The following PCDHGB1 variants were observed in gnomAD, a reference collection of about 807,000 sequenced individuals.
The protein encoded by PCDHGB1 is protocadherin gamma-B1.
PCDHGB1 carries 34 observed loss-of-function variants against 56.6 expected under a neutral mutation model. The ratio of observed to expected loss-of-function variants is 0.60; its 90% CI spans 0.46 to 0.80. The LOEUF (loss-of-function observed/expected upper bound fraction) is 0.80, where lower values mean the gene tolerates loss of function less well. Ranked by LOEUF, PCDHGB1 falls within the 30% of genes least tolerant of loss-of-function variation. The probability of loss-of-function intolerance (pLI) is 0.00; values close to 1 mark genes in which losing one functional copy is unlikely to be tolerated. For missense variants in PCDHGB1, 1,278 were observed against 1,204.6 expected (o/e 1.06, Z -0.90); for synonymous variants, 561 against 505.9 (o/e 1.11, Z -1.46).
rs1271293217 is a variant in PCDHGB1, at chr5:141,374,804, A to G, written c.2409+22135A>G. On this transcript the variant is annotated intron_variant, in intron 1 of 3. Transcript: ENST00000523390. ...TCTAGATGTGAATGACAACACTCCA[A>G]TGTTTACTCAGCCTGTCTACCGTGT... The G allele has an allele frequency of 6.8e-6, 11 of 1,613,854 alleles. No individual in the cohort carries two copies. In the East Asian group the frequency reaches 1.6e-4, roughly 23 times the overall value.
intron 1 of PCDHGB1, chr5:141,356,065 T>C (rs745777482): frequency 1.2e-6 from 2 of 1,613,808 alleles, no homozygotes; most frequent in South Asian, 2.2e-5. Flanking sequence ...AGACAAAATA[T>C]CACAGCTATT....
At chr5:141,390,207 C>T in intron 1 of PCDHGB1, 1 of 1,614,028 alleles carries the variant, frequency 6.2e-7, no homozygotes, top group Non-Finnish European at 8.5e-7. Flanking sequence ...GAGTTCAGGA[C>T]AAGACATACT....
intron 1 of PCDHGB1, among the ~76,000 whole-genome samples, chr5:141,463,209 A>G (rs1189251811): frequency 6.6e-6 from 1 of 152,140 alleles, no homozygotes; most frequent in African/African-American, 2.4e-5. Flanking sequence ...TTGGGGATCC[A>G]TATTAATATT....
intron 1 of PCDHGB1, chr5:141,376,579 T>C: frequency 6.3e-7 from 1 of 1,590,894 alleles, no homozygotes; most frequent in Non-Finnish European, 8.6e-7. Context: ...GACAGGCTCA[T>C]CAGCTAGATC....
chr5:141,460,848 C>T lies in PCDHGB1; in HGVS notation c.2410-33959C>T, dbSNP rs528601988. Among the ~76,000 whole-genome samples, 257 of 150,340 alleles carry T rather than the reference C, an allele frequency of 1.7e-3. 1 individual carries two copies. The highest frequency in any genetic ancestry group is 4.2e-3 in the Admixed American group (62 of 14,868). ...ACACTTAAAGTAATGGCCTCCAGTT[C>T]GATCCAAGTTGCTGCAAAGGACATT... is the stretch of plus-strand genomic sequence containing the variant. On this transcript the variant is annotated intron_variant, in intron 1 of 3. Transcript: ENST00000523390.
At chr5:141,453,205 G>C (rs570291941) in intron 1 of PCDHGB1, among the ~76,000 whole-genome samples, 2 of 151,872 alleles carry the variant, frequency 1.3e-5, no homozygotes, top group Non-Finnish European at 2.9e-5. Context: ...CCTCAACCTC[G>C]TGCACTTAAG....
intron 1 of PCDHGB1, chr5:141,371,305 T>G: frequency 6.2e-7 from 1 of 1,613,940 alleles, no homozygotes; most frequent in Non-Finnish European, 8.5e-7. Context: ...CTCACCACTA[T>G]TGGAGAACTG....
At chr5:141,408,428 A>C (rs1397543407) in intron 1 of PCDHGB1, 1 of 1,614,076 alleles carries the variant, frequency 6.2e-7, no homozygotes, top group South Asian at 1.1e-5. Flanking sequence ...GCTGCACTTC[A>C]GCGTAGACGC....
In PCDHGB1 at chr5:141,364,057, TTATAAC is replaced by T. The variant is rs1347716169; in HGVS notation, c.2409+11391_2409+11396del. 2.6e-5 allele frequency among the ~76,000 whole-genome samples: 4 copies of T among 152,286 alleles called. No individual in the cohort carries two copies. In the East Asian group the frequency reaches 7.7e-4, roughly 29 times the overall value. Reference sequence around the variant, plus strand: ...TATGGCAACATTATTAGAAATAAAATTATAACTAAACTTAGGAGAAATAAAAATGGA... The same window carrying T: ...TATGGCAACATTATTAGAAATAAAATTAAACTTAGGAGAAATAAAAATGGA... On this transcript the variant is annotated intron_variant, in intron 1 of 3. Coordinates refer to ENST00000523390, the MANE Select transcript of PCDHGB1 (RefSeq NM_018922.3).
chr5:141,501,164 G>C (rs991995325), intron 2 of PCDHGB1, among the ~76,000 whole-genome samples: 32 of 152,144 alleles, frequency 2.1e-4, no homozygotes, highest in African/African-American at 7.7e-4. Context: ...ACCATCCCCA[G>C]CCTCATTTAC....
rs771162532 is a variant in PCDHGB1, at chr5:141,491,756, C to A, written c.2410-3051C>A. On this transcript the variant is annotated intron_variant, in intron 1 of 3. Transcript: ENST00000523390. The surrounding 1 kb of genome is among the most constrained non-coding windows in gnomAD (Gnocchi z 6.9). ...CCTGGGGGCGGCACTGGAGAAGCCGCCCGTCCTCATAAGGGATTGAACTTG... is the reference window on the plus strand; with the variant it reads ...CCTGGGGGCGGCACTGGAGAAGCCGACCGTCCTCATAAGGGATTGAACTTG... The A allele has an allele frequency of 6.3e-7, 1 of 1,581,720 alleles. No individual in the cohort carries two copies. Among genetic ancestry groups the A allele is most frequent in the Middle Eastern group, 1.7e-4 (1 of 5,958 alleles).
chr5:141,381,834 T>TTCTTTCTTTCTTTCTTTCTTCTTC, intron 1 of PCDHGB1, among the ~76,000 whole-genome samples: 1 of 140,162 alleles, frequency 7.1e-6, no homozygotes, highest in African/African-American at 2.8e-5. Flanking sequence ...TTCTTTTTTT[T>TTCTTTCTTTCTTTCTTTCTTCTTC]TTTTTTTTTT....
chr5:141,415,455 G>A (rs571718366), intron 1 of PCDHGB1: 2 of 1,614,186 alleles, frequency 1.2e-6, no homozygotes, highest in African/African-American at 1.3e-5. Context: ...ATTCCCACGA[G>A]GTCTCTCTCA....
rs76825883 is a variant in PCDHGB1, at chr5:141,433,317, C to T, written c.2410-61490C>T. The T allele has an allele frequency of 1.4e-3, 1,163 of 830,944 alleles. 6 individuals are homozygous for T. In the African/African-American group the frequency reaches 0.015, roughly 11 times the overall value. 51.5% of individuals were successfully genotyped at this position (830,944 alleles called of 1,614,324 possible). A position where few individuals can be genotyped will look rare whatever the true frequency, so the allele number is the denominator to read the frequency against. On this transcript the variant is annotated intron_variant, in intron 1 of 3. Transcript: ENST00000523390. ...CAAGCAATTATCCCACCTTTGCCTC[C>T]GGTGTAACAGGGACTACAGGTGCAA... is the stretch of plus-strand genomic sequence containing the variant.
In PCDHGB1 at chr5:141,431,627, C is replaced by T. The variant is rs769351473; in HGVS notation, c.2410-63180C>T. 2.5e-6 allele frequency: 4 copies of T among 1,614,076 alleles called. No homozygotes were observed. The South Asian group carries it at 4.4e-5, about 18-fold the overall frequency. On this transcript the variant is annotated intron_variant, in intron 1 of 3. Coordinates refer to ENST00000523390, the MANE Select transcript of PCDHGB1 (RefSeq NM_018922.3). The surrounding 1 kb of genome is among the most constrained non-coding windows in gnomAD (Gnocchi z 4.8). Reference sequence around the variant, plus strand: ...CCGGTATGTGGACGACAAGGCGGCCCAAGTTTTCAAACTAGATTGTAATTC... The same window carrying T: ...CCGGTATGTGGACGACAAGGCGGCCTAAGTTTTCAAACTAGATTGTAATTC...
chr5:141,490,120 G>A lies in PCDHGB1; in HGVS notation c.2410-4687G>A. On this transcript the variant is annotated intron_variant, in intron 1 of 3. Coordinates refer to ENST00000523390, the MANE Select transcript of PCDHGB1 (RefSeq NM_018922.3). This position sits in a 1 kb window ranked among gnomAD's most constrained non-coding sequence, Gnocchi z 5.4. ...ATCTGAGGCAGTGCGGAACCTCTTT[G>A]GCCTAGACCCTAGCAGTGGGGCAAT... 6.2e-7 allele frequency: 1 copy of A among 1,614,224 alleles called. No homozygotes were observed. Among genetic ancestry groups the A allele is most frequent in the East Asian group, 2.2e-5 (1 of 44,888 alleles).
chr5:141,455,541 A>G (rs2098825752), intron 1 of PCDHGB1, among the ~76,000 whole-genome samples: 1 of 152,134 alleles, frequency 6.6e-6, no homozygotes, highest in African/African-American at 2.4e-5. Context: ...CATATCATTC[A>G]CGTAGCCCGA....
At chr5:141,400,264 C>G (rs1184804812) in intron 1 of PCDHGB1, 2 of 1,614,058 alleles carry the variant, frequency 1.2e-6, no homozygotes. Context: ...GCGCCTGCGA[C>G]GCTCCTCCAG....
intron 1 of PCDHGB1, among the ~76,000 whole-genome samples, chr5:141,406,668 G>A (rs1415631899): frequency 3.3e-5 from 5 of 152,122 alleles, no homozygotes; most frequent in African/African-American, 7.2e-5. Flanking sequence ...TTAAATTATG[G>A]AGAATAGTAG....
Sources: gnomAD v4.1 joint callset for allele counts (sites outside exome capture counted in the v4.1 genomes callset) on GRCh38, gnomAD v4.1.1 for gene constraint, Gnocchi (gnomAD v3.1) non-coding constraint, MANE v1.5 for transcripts, NCBI Gene and HGNC (gene_info 2026-07-23, HGNC 2026-07-21) for gene names.